Variants in EDN1 observed in about 807,000 individuals in gnomAD.
The protein encoded by EDN1 is endothelin 1.
Under a neutral mutation model 21.7 loss-of-function variants are expected in EDN1, and 11 were observed. The ratio of observed to expected loss-of-function variants is 0.51; its 90% CI spans 0.32 to 0.84. The LOEUF (loss-of-function observed/expected upper bound fraction) is 0.84. Ranked by LOEUF, EDN1 falls within the 40% of genes least tolerant of loss-of-function variation. The pLI, the probability that EDN1 is intolerant of heterozygous loss-of-function variation, is 0.03. For missense variants in EDN1, 244 were observed against 262.3 expected, an observed-to-expected ratio of 0.93 and a Z score of 0.48; for synonymous variants, 85 against 90.6, an observed-to-expected ratio of 0.94 and a Z score of 0.35.
chr6:12,243,215 A>G, the EDN1 span, among the ~76,000 whole-genome samples: 1 of 151,242 alleles, frequency 6.6e-6, no homozygotes, highest in African/African-American at 2.4e-5. Context: ...AAGAGAAAAT[A>G]TATTTGCTAT....
the EDN1 span, among the ~76,000 whole-genome samples, chr6:12,273,971 G>T: frequency 6.6e-6 from 1 of 152,118 alleles, no homozygotes; most frequent in Non-Finnish European, 1.5e-5. Context: ...ATAGAGGGTG[G>T]ATTATTTTCT....
chr6:12,289,816 TGAAGA>T (rs1762628373), upstream of EDN1, among the ~76,000 whole-genome samples: 2 of 152,098 alleles, frequency 1.3e-5, no homozygotes, highest in South Asian at 4.1e-4. Context: ...GGAAGGGGCT[TGAAGA>T]GAAAAGTACG....
the EDN1 span, among the ~76,000 whole-genome samples, chr6:12,258,448 T>TAAAAAAAAAAA: frequency 5.8e-4 from 16 of 27,736 alleles, 1 homozygote; most frequent in East Asian, 9.2e-4. Flanking sequence ...AGATCATGTC[T>TAAAAAAAAAAA]CAAAAAAAAA....
At chr6:12,279,894 G>A in the EDN1 span, among the ~76,000 whole-genome samples, 1 of 152,252 alleles carries the variant, frequency 6.6e-6, no homozygotes, top group Middle Eastern at 3.4e-3. Context: ...TTGTTGAAAG[G>A]GAAAGTGTTC....
chr6:12,274,325 G>C, the EDN1 span, among the ~76,000 whole-genome samples: 114 of 152,318 alleles, frequency 7.5e-4, no homozygotes, highest in Non-Finnish European at 9.1e-4. Context: ...CTGGCAGAGA[G>C]TGCAATAGAC....
chr6:12,273,604 CTTT>C, the EDN1 span, among the ~76,000 whole-genome samples: 4 of 83,378 alleles, frequency 4.8e-5, no homozygotes, highest in African/African-American at 1.5e-4. Flanking sequence ...GTAGGCAGGA[CTTT>C]TTTTTTTTTT....
At chr6:12,280,858 A>T in the EDN1 span, among the ~76,000 whole-genome samples, 4 of 152,218 alleles carry the variant, frequency 2.6e-5, no homozygotes, top group East Asian at 7.7e-4. Context: ...ATGCCACTGC[A>T]CTCCAGCCTG....
At chr6:12,273,908 A>G in the EDN1 span, among the ~76,000 whole-genome samples, 445 of 152,322 alleles carry the variant, frequency 2.9e-3, 3 homozygotes, top group African/African-American at 0.01. Context: ...AGGTCATACA[A>G]TAAAACAGCA....
upstream of EDN1, among the ~76,000 whole-genome samples, chr6:12,285,821 C>T (rs371510725): frequency 3.4e-4 from 52 of 152,218 alleles, no homozygotes; most frequent in East Asian, 3.1e-3. Context: ...CCACTTGCCT[C>T]GGCCTCGGGA....
At chr6:12,237,891 C>T in the EDN1 span, among the ~76,000 whole-genome samples, 261 of 152,244 alleles carry the variant, frequency 1.7e-3, 1 homozygote, top group Non-Finnish European at 2.4e-3. Context: ...GAAAACCCAG[C>T]GGGCGCGGTG....
chr6:12,290,705 C>T lies in EDN1; in HGVS notation c.64+12C>T, dbSNP rs762923186. 1.2e-6 allele frequency: 2 copies of T among 1,610,772 alleles called. No individual in the cohort carries two copies. The highest frequency in any genetic ancestry group is 1.7e-6 in the Non-Finnish European group (2 of 1,176,960). On this transcript the variant is annotated intron_variant, in intron 1 of 4. Transcript: ENST00000379375. ...AGCTCCAGAAACAGGTAGGCACGCT[C>T]GTTGACTTGTAAGTCTCGGAATTAC...
Position 12,295,942 on chromosome 6 carries a change from C to G in EDN1, c.534-20C>G. ...ATTTTTTTAAAATAACATTTGTTTT[C>G]TCTTATCTTGCTTTATTAGGTCGGA... is the stretch of plus-strand genomic sequence containing the variant. On this transcript the variant is annotated intron_variant, in intron 4 of 4. Transcript: ENST00000379375. The G allele has an allele frequency of 6.2e-7, 1 of 1,610,522 alleles. No homozygotes were observed. Among genetic ancestry groups the G allele is most frequent in the Non-Finnish European group, 8.5e-7 (1 of 1,177,004 alleles).
At chr6:12,232,876 G>A in the EDN1 span, among the ~76,000 whole-genome samples, 2 of 152,096 alleles carry the variant, frequency 1.3e-5, no homozygotes, top group South Asian at 2.1e-4. Context: ...TTGAAAAGAC[G>A]ACTGGCAAAC....
chr6:12,264,747 A>C, the EDN1 span, among the ~76,000 whole-genome samples: 1 of 152,230 alleles, frequency 6.6e-6, no homozygotes, highest in Non-Finnish European at 1.5e-5. Context: ...CTCTAGACAG[A>C]AGGCGTGGCA....
At chr6:12,254,731 A>C in the EDN1 span, among the ~76,000 whole-genome samples, 2 of 152,202 alleles carry the variant, frequency 1.3e-5, no homozygotes, top group African/African-American at 2.4e-5. Flanking sequence ...TGCACATAAT[A>C]AAGTGCATAA....
chr6:12,248,247 A>G, the EDN1 span, among the ~76,000 whole-genome samples: 1 of 152,322 alleles, frequency 6.6e-6, no homozygotes, highest in African/African-American at 2.4e-5. Context: ...AGCAAGAAGG[A>G]GGCTGTCTGC....
chr6:12,283,952 C>T, the EDN1 span, among the ~76,000 whole-genome samples: 1 of 152,208 alleles, frequency 6.6e-6, no homozygotes, highest in Non-Finnish European at 1.5e-5. Flanking sequence ...TTGCTTTGTA[C>T]ATAGTGTCTT....
chr6:12,289,664 C>T (rs1762625433), upstream of EDN1, among the ~76,000 whole-genome samples: 1 of 152,194 alleles, frequency 6.6e-6, no homozygotes, highest in South Asian at 2.1e-4. Flanking sequence ...AAGAACTTAT[C>T]GGGGCTTCTC....
chr6:12,237,230 A>G, the EDN1 span, among the ~76,000 whole-genome samples: 5 of 152,246 alleles, frequency 3.3e-5, no homozygotes, highest in African/African-American at 7.2e-5. Flanking sequence ...ACTATCATTG[A>G]TGGACATTGG....
Sources: gnomAD v4.1 joint callset for allele counts (sites outside exome capture counted in the v4.1 genomes callset) on GRCh38, gnomAD v4.1.1 for gene constraint, MANE v1.5 for transcripts, NCBI Gene and HGNC (gene_info 2026-07-23, HGNC 2026-07-21) for gene names.